GALNT14: variants seen among roughly 807,000 people sequenced by gnomAD.
The protein encoded by GALNT14 is polypeptide N-acetylgalactosaminyltransferase 14.
A neutral mutation model predicts 77.5 loss-of-function variants in GALNT14; 60 were observed. The ratio of observed to expected loss-of-function variants is 0.77; its 90% confidence interval spans 0.63 to 0.96. GALNT14 has a LOEUF of 0.96. GALNT14 is among the 40% of genes least tolerant of loss of function. GALNT14 has a pLI of 0.00. For missense variants in GALNT14, 710 were observed against 731.0 expected, an observed-to-expected ratio of 0.97 and a Z score of 0.33; for synonymous variants, 280 against 281.7, an observed-to-expected ratio of 0.99 and a Z score of 0.06.
At chr2:30,956,629 C>T (rs1274479341) in intron 4 of GALNT14, among the ~76,000 whole-genome samples, 2 of 152,314 alleles carry the variant, frequency 1.3e-5, no homozygotes, top group South Asian at 2.1e-4. Flanking sequence ...GCCTCAGCCT[C>T]CCAGATAGCT....
rs961470304 is a variant in GALNT14 at position 30,919,996 on chromosome 2, CAAG to C, written c.1380+4120_1380+4122del. Among the ~76,000 whole-genome samples, 10 of 152,178 alleles carry C rather than the reference CAAG, an allele frequency of 6.6e-5. No homozygotes were observed. In the East Asian group the frequency reaches 1.2e-3, roughly 18 times the overall value. ...ATAAAGATTGTCCTTTGAAACTGGC[CAAG>C]AAGAAGAATCTCTTGCCACTCTCCC... On this transcript the variant is annotated intron_variant, in intron 13 of 14. Transcript: ENST00000349752.
Position 30,981,676 on chromosome 2 carries a change from G to A in GALNT14, c.299+11162C>T, listed in dbSNP as rs544567490. 9.2e-5 allele frequency among the ~76,000 whole-genome samples: 14 copies of A among 152,296 alleles called. No homozygotes were observed. The South Asian group carries it at 2.1e-3, about 23-fold the overall frequency. ...GGGCAGGGGGAGGGGCACCACTGCC[G>A]AGCAGGAGGGCTTCATGTTTCTGGA... is the stretch of plus-strand genomic sequence containing the variant. On this transcript the variant is annotated intron_variant, in intron 2 of 14. Coordinates refer to ENST00000349752, the MANE Select transcript of GALNT14 (RefSeq NM_024572.4).
intron 14 of GALNT14, 74 bp from the exon 15 acceptor site, chr2:30,911,133 G>C: frequency 6.9e-7 from 1 of 1,439,536 alleles, no homozygotes; most frequent in South Asian, 1.2e-5. Flanking sequence ...TATCAGAAAG[G>C]TAGGTGCCTC....
At chr2:30,982,092 G>C (rs1669025390) in intron 2 of GALNT14, among the ~76,000 whole-genome samples, 1 of 152,120 alleles carries the variant, frequency 6.6e-6, no homozygotes, top group African/African-American at 2.4e-5. Flanking sequence ...CGCTTGCTCG[G>C]GTATGCAAAC....
intron 1 of GALNT14, among the ~76,000 whole-genome samples, chr2:31,024,601 C>G (rs1181269054): frequency 1.3e-5 from 2 of 152,030 alleles, no homozygotes; most frequent in Non-Finnish European, 2.9e-5. Context: ...TCTGGACCAC[C>G]TTCCCCTTAT....
chr2:30,937,147 G>A (rs1005888291), intron 9 of GALNT14, among the ~76,000 whole-genome samples: 10 of 152,210 alleles, frequency 6.6e-5, no homozygotes, highest in Non-Finnish European at 1.3e-4. Context: ...ATCATGGAAA[G>A]GGTGAGGCTG....
chr2:30,904,075 T>C, the GALNT14 span, among the ~76,000 whole-genome samples: 1 of 152,196 alleles, frequency 6.6e-6, no homozygotes, highest in Middle Eastern at 3.2e-3. Context: ...CAGAATCAGC[T>C]GAGATGTCTG....
chr2:30,951,765 C>T (rs1212530592), intron 6 of GALNT14, among the ~76,000 whole-genome samples: 4 of 152,208 alleles, frequency 2.6e-5, no homozygotes, highest in Non-Finnish European at 5.9e-5. Flanking sequence ...CCCATAGAGG[C>T]CTGGGCACAG....
At chr2:30,999,650 G>A (rs975647054) in intron 1 of GALNT14, among the ~76,000 whole-genome samples, 2 of 152,162 alleles carry the variant, frequency 1.3e-5, no homozygotes, top group African/African-American at 2.4e-5. Context: ...TTATATCAAC[G>A]TCTCATGGAC....
At chr2:30,941,589 TA>T (rs1388070664) in intron 9 of GALNT14, among the ~76,000 whole-genome samples, 2 of 152,224 alleles carry the variant, frequency 1.3e-5, no homozygotes, top group Non-Finnish European at 2.9e-5. Context: ...GCCTCAGCTC[TA>T]TCCCACCATG....
intron 1 of GALNT14, among the ~76,000 whole-genome samples, chr2:31,136,988 C>A: frequency 2.0e-5 from 3 of 152,244 alleles, no homozygotes; most frequent in Middle Eastern, 6.8e-3. Context: ...TTGCCCAGAC[C>A]CCTAGACGAC....
intron 1 of GALNT14, among the ~76,000 whole-genome samples, chr2:31,001,084 G>A (rs186606337): frequency 2.6e-5 from 4 of 152,166 alleles, no homozygotes; most frequent in African/African-American, 9.6e-5. Flanking sequence ...AGTAGCTGTG[G>A]GGCCCTGGAG....
chr2:31,027,915 T>TGTGTGTGTGTGTGTGTGTGCGC (rs768786430), intron 1 of GALNT14, among the ~76,000 whole-genome samples: 1 of 151,840 alleles, frequency 6.6e-6, no homozygotes. Flanking sequence ...TGTGTGTGTG[T>TGTGTGTGTGTGTGTGTGTGCGC]GTGCACGCAT....
chr2:30,905,765 TCACCAA>T (rs1367516791), downstream of GALNT14, among the ~76,000 whole-genome samples: 1 of 148,294 alleles, frequency 6.7e-6, no homozygotes, highest in Non-Finnish European at 1.5e-5. Flanking sequence ...ATTGTCAGAT[TCACCAA>T]AGTTGAAATG....
chr2:30,972,699 T>C (rs1668429933), intron 2 of GALNT14, among the ~76,000 whole-genome samples: 1 of 152,214 alleles, frequency 6.6e-6, no homozygotes, highest in South Asian at 2.1e-4. Context: ...GTCTATTCTG[T>C]GGCCTTGTAC....
chr2:31,063,276 A>G (rs1674718632), intron 1 of GALNT14, among the ~76,000 whole-genome samples: 2 of 152,198 alleles, frequency 1.3e-5, no homozygotes, highest in South Asian at 4.1e-4. Flanking sequence ...TTTTCTGCAT[A>G]TGGCTAACCA....
intron 1 of GALNT14, among the ~76,000 whole-genome samples, chr2:31,072,302 C>T (rs1183908698): frequency 2.5e-5 from 1 of 39,942 alleles, no homozygotes; most frequent in East Asian, 5.0e-4. Context: ...CACACACACA[C>T]ATACACACAC....
intron 1 of GALNT14, among the ~76,000 whole-genome samples, chr2:31,075,018 G>C (rs1354258329): frequency 6.6e-6 from 1 of 152,208 alleles, no homozygotes; most frequent in Non-Finnish European, 1.5e-5. Flanking sequence ...GTGGGGCCTG[G>C]TGGGAGGTGT....
intron 1 of GALNT14, among the ~76,000 whole-genome samples, chr2:31,000,862 T>G (rs566937841): frequency 4.7e-4 from 72 of 152,286 alleles, no homozygotes; most frequent in African/African-American, 1.7e-3. Context: ...ACATCTCCCC[T>G]TATTAGAATC....
Sources: gnomAD v4.1 joint callset for allele counts (sites outside exome capture counted in the v4.1 genomes callset) on GRCh38, gnomAD v4.1.1 for gene constraint, MANE v1.5 for transcripts, NCBI Gene and HGNC (gene_info 2026-07-23, HGNC 2026-07-21) for gene names.